Variants in STAG1 observed in about 807,000 individuals in gnomAD.
The protein encoded by STAG1 is cohesin subunit SA-1.
A neutral mutation model predicts 170.9 loss-of-function variants in STAG1; 26 were observed. The ratio of observed to expected loss-of-function variants is 0.15; its 90% confidence interval spans 0.11 to 0.21. STAG1 has a LOEUF of 0.21. Among genes scored for constraint, STAG1 ranks in the 10% least tolerant of loss-of-function variants. STAG1 has a pLI of 1.00. For missense variants in STAG1, 964 were observed against 1,509.5 expected, an observed-to-expected ratio of 0.64 and a Z score of 5.99; for synonymous variants, 514 against 497.7, an observed-to-expected ratio of 1.03 and a Z score of -0.44.
At chr3:136,403,188 A>G (rs1168945463) in intron 21 of STAG1, among the ~76,000 whole-genome samples, 1 of 147,400 alleles carries the variant, frequency 6.8e-6, no homozygotes, top group African/African-American at 2.5e-5. Context: ...GATCACACCA[A>G]TGCACTCTAG....
At chr3:136,646,554 G>C (rs186832037) in intron 1 of STAG1, among the ~76,000 whole-genome samples, 84 of 152,184 alleles carry the variant, frequency 5.5e-4, no homozygotes, top group Middle Eastern at 6.8e-3. Flanking sequence ...TTTTTTAAAG[G>C]ATATAAAATT....
At chr3:136,532,448 C>G in intron 6 of STAG1, among the ~76,000 whole-genome samples, 1 of 152,060 alleles carries the variant, frequency 6.6e-6, no homozygotes, top group African/African-American at 2.4e-5. Flanking sequence ...TTGAGGAGGA[C>G]TGGTGTTATT....
intron 14 of STAG1, among the ~76,000 whole-genome samples, chr3:136,448,076 A>T (rs981636943): frequency 2.6e-5 from 4 of 152,242 alleles, no homozygotes; most frequent in East Asian, 3.9e-4. Flanking sequence ...GAAACATCTT[A>T]AAAAATCACC....
At chr3:136,397,931 CTACTAT>C (rs2087212613) in intron 22 of STAG1, among the ~76,000 whole-genome samples, 1 of 151,774 alleles carries the variant, frequency 6.6e-6, no homozygotes, top group Non-Finnish European at 1.5e-5. Flanking sequence ...AGGTATCATA[CTACTAT>C]CTTTCAATGA....
intron 4 of STAG1, among the ~76,000 whole-genome samples, chr3:136,588,165 C>G (rs1458704347): frequency 2.6e-5 from 4 of 152,128 alleles, no homozygotes; most frequent in African/African-American, 9.7e-5. Flanking sequence ...TCATTATCTA[C>G]TGGGGAGGGT....
chr3:136,431,048 C>T (rs973430627), intron 16 of STAG1, among the ~76,000 whole-genome samples: 3 of 152,044 alleles, frequency 2.0e-5, no homozygotes, highest in East Asian at 1.9e-4. Context: ...GGATTACAGG[C>T]ATGTGCCACC....
chr3:136,480,843 T>C (rs2089886113), intron 9 of STAG1, among the ~76,000 whole-genome samples: 1 of 129,972 alleles, frequency 7.7e-6, no homozygotes, highest in African/African-American at 2.7e-5. Context: ...TTGAAGCAAT[T>C]GTGAATGGGA....
chr3:136,507,586 T>C (rs76034904), intron 7 of STAG1, among the ~76,000 whole-genome samples: 14,183 of 152,112 alleles, frequency 0.093, 2,152 homozygotes, highest in African/African-American at 0.32. Context: ...CAGGTTGGTC[T>C]TGAACTCCTG....
intron 6 of STAG1, among the ~76,000 whole-genome samples, chr3:136,522,800 T>G (rs902903369): frequency 6.8e-6 from 1 of 146,424 alleles, no homozygotes; most frequent in Non-Finnish European, 1.5e-5. Context: ...CTCCCACCTA[T>G]GAGTGAGAAC....
chr3:136,653,782 G>A lies in STAG1; in HGVS notation c.-83-22801C>T, dbSNP rs1941289543. On this transcript the variant is annotated intron_variant, in intron 1 of 33. Transcript: ENST00000383202. ...CAAACTGAATCCAGAGCATATAAAA[G>A]GATTATACACCATGACCAAGTGGGA... 2.6e-5 allele frequency among the ~76,000 whole-genome samples: 4 copies of A among 152,124 alleles called. No individual in the cohort carries two copies. In the South Asian group the frequency reaches 8.3e-4, roughly 32 times the overall value.
intron 23 of STAG1, among the ~76,000 whole-genome samples, chr3:136,371,493 G>A (rs1331478770): frequency 8.5e-5 from 13 of 152,068 alleles, no homozygotes; most frequent in South Asian, 2.1e-4. Flanking sequence ...TTTTAGGTCT[G>A]ACATGTAAGT....
intron 1 of STAG1, among the ~76,000 whole-genome samples, chr3:136,686,733 G>C (rs926662450): frequency 6.6e-6 from 1 of 152,120 alleles, no homozygotes; most frequent in Admixed American, 6.5e-5. Context: ...CAGGTGACTT[G>C]TTTTTTTTAA....
At chr3:136,547,169 GAA>G (rs1936188443) in intron 5 of STAG1, among the ~76,000 whole-genome samples, 1 of 152,092 alleles carries the variant, frequency 6.6e-6, no homozygotes, top group African/African-American at 2.4e-5. Context: ...TAGACTAACA[GAA>G]AAGTTACAAA....
intron 1 of STAG1, among the ~76,000 whole-genome samples, chr3:136,686,744 T>C (rs1942544345): frequency 6.6e-6 from 1 of 152,236 alleles, no homozygotes; most frequent in African/African-American, 2.4e-5. Flanking sequence ...TTTTTTTTAA[T>C]CTTCTATAAT....
intron 28 of STAG1, among the ~76,000 whole-genome samples, chr3:136,352,778 C>T (rs1338685082): frequency 6.6e-6 from 1 of 152,118 alleles, no homozygotes; most frequent in Admixed American, 6.6e-5. Context: ...ATGATATTAT[C>T]AAACTATAGG....
intron 21 of STAG1, among the ~76,000 whole-genome samples, chr3:136,411,504 G>A (rs546411693): frequency 2.0e-5 from 3 of 152,210 alleles, no homozygotes; most frequent in Non-Finnish European, 2.9e-5. Context: ...TGAAATGTGT[G>A]CTTTTCACAA....
intron 22 of STAG1, among the ~76,000 whole-genome samples, chr3:136,380,331 T>C (rs1030983022): frequency 6.6e-6 from 1 of 151,978 alleles, no homozygotes; most frequent in Non-Finnish European, 1.5e-5. Context: ...AGCCTCTGTC[T>C]CCCGGGTTCA....
At chr3:136,727,551 G>T (rs907508679) in intron 1 of STAG1, among the ~76,000 whole-genome samples, 2 of 152,038 alleles carry the variant, frequency 1.3e-5, no homozygotes, top group Non-Finnish European at 2.9e-5. Context: ...CAGTTCTCTC[G>T]CCCCTTTAAT....
intron 1 of STAG1, among the ~76,000 whole-genome samples, chr3:136,708,085 T>C (rs1393704117): frequency 2.0e-5 from 3 of 152,186 alleles, no homozygotes; most frequent in African/African-American, 7.2e-5. Flanking sequence ...CGAGAACAAT[T>C]TGGCATTTCT....
Sources: allele counts gnomAD v4.1 joint callset (sites outside exome capture counted in the v4.1 genomes callset), GRCh38; gene constraint gnomAD v4.1.1; transcripts MANE v1.5; gene names NCBI Gene and HGNC (gene_info 2026-07-23, HGNC 2026-07-21).